CEP126: variants seen among roughly 807,000 people sequenced by gnomAD.
CEP126 encodes centrosomal protein of 126 kDa.
Under a neutral mutation model 107.8 loss-of-function variants are expected in CEP126, and 74 were observed. That is an observed-to-expected ratio of 0.69 (90% CI 0.57 to 0.83). The LOEUF is 0.83. Among genes scored for constraint, CEP126 ranks in the 40% least tolerant of loss-of-function variants. The pLI, the probability that CEP126 is intolerant of heterozygous loss-of-function variation, is 0.00. For synonymous variants in CEP126, 449 were observed against 446.0 expected, an observed-to-expected ratio of 1.01 and a Z score of -0.08; for missense variants, 1,237 against 1,281.9, an observed-to-expected ratio of 0.96 and a Z score of 0.53.
Position 101,997,589 on chromosome 11 carries a change from T to G in CEP126, c.3310-10T>G, listed in dbSNP as rs1238643158. On this transcript the variant is annotated splice_polypyrimidine_tract_variant and intron_variant, in intron 10 of 10. Coordinates refer to ENST00000263468, the MANE Select transcript of CEP126 (RefSeq NM_020802.4). ...TGTTTGCATGCTTGTTTCTTCTTTC[T>G]GATTTCCAGGAGAAGAGAGAAGATA... The G allele has an allele frequency of 6.2e-7, 1 of 1,614,032 alleles. No homozygotes were observed. Among genetic ancestry groups the G allele is most frequent in the East Asian group, 2.2e-5 (1 of 44,872 alleles).
chr11:101,979,133 A>G lies in CEP126; in HGVS notation c.2958+674A>G, dbSNP rs142392547. On this transcript the variant is annotated intron_variant, in intron 7 of 10. Coordinates refer to ENST00000263468, the MANE Select transcript of CEP126 (RefSeq NM_020802.4). ...GGCAACAAGAGCAAGACTCCATCTC[A>G]AAAAGAAAAAAAAAAGCATGCTAAT... Among the ~76,000 whole-genome samples, 405 of 152,158 alleles carry G rather than the reference A, an allele frequency of 2.7e-3. 2 individuals are homozygous for G. The highest frequency in any genetic ancestry group is 9.3e-3 in the African/African-American group (388 of 41,510).
intron 2 of CEP126, among the ~76,000 whole-genome samples, chr11:101,923,985 A>G (rs746862417): frequency 6.6e-6 from 1 of 152,142 alleles, no homozygotes; most frequent in Admixed American, 6.5e-5. Context: ...CTTATTTTTT[A>G]TTATTAATGT....
At chr11:101,938,169 A>AAAAAAAAAAAACAAAAAAAAAC (rs1565353082) in intron 2 of CEP126, among the ~76,000 whole-genome samples, 1 of 143,852 alleles carries the variant, frequency 7.0e-6, no homozygotes, top group African/African-American at 2.6e-5. Context: ...CAAAAAAAAA[A>AAAAAAAAAAAACAAAAAAAAAC]AAAAAAATAC....
chr11:101,923,556 A>C (rs908694563), intron 2 of CEP126, among the ~76,000 whole-genome samples: 1 of 152,160 alleles, frequency 6.6e-6, no homozygotes, highest in African/African-American at 2.4e-5. Context: ...GGGAATAAAA[A>C]ATTGTTTACC....
chr11:101,920,473 G>A (rs946833719), intron 1 of CEP126, among the ~76,000 whole-genome samples: 2 of 151,572 alleles, frequency 1.3e-5, no homozygotes, highest in Non-Finnish European at 2.9e-5. Context: ...AGCGTAAAAA[G>A]TTTTTAAACA....
Position 101,967,025 on chromosome 11 carries a change from C to CTTTTTTT in CEP126, c.2845+3160_2845+3166dup, listed in dbSNP as rs759877416. ...ATTCCAATTCATCATCTCTTTCTTTCTTTTTTTTTTTTTTTTTTTTTGAGA... is the reference window on the plus strand; with the variant it reads ...ATTCCAATTCATCATCTCTTTCTTTCTTTTTTTTTTTTTTTTTTTTTTTTTTTTGAGA... On this transcript the variant is annotated intron_variant, in intron 6 of 10. Transcript: ENST00000263468. Among the ~76,000 whole-genome samples the CTTTTTTT allele has an allele frequency of 3.6e-4, 39 of 107,054 alleles. 1 individual carries two copies. The highest frequency in any genetic ancestry group is 8.1e-4 in the African/African-American group (22 of 27,262). The allele number at this position is 107,054 out of a possible 152,430, so 70.2% of individuals were successfully genotyped here.
At chr11:101,992,027 C>T (rs1033576949) in intron 9 of CEP126, among the ~76,000 whole-genome samples, 1 of 151,988 alleles carries the variant, frequency 6.6e-6, no homozygotes, top group Non-Finnish European at 1.5e-5. Context: ...TGACAGGAAG[C>T]TTCCAAGGTA....
At chr11:101,985,339 A>G (rs976409895) in intron 8 of CEP126, among the ~76,000 whole-genome samples, 4 of 151,598 alleles carry the variant, frequency 2.6e-5, no homozygotes, top group Non-Finnish European at 4.4e-5. Context: ...CTGAAGTGCA[A>G]TGGTGCAATC....
intron 6 of CEP126, among the ~76,000 whole-genome samples, chr11:101,977,455 A>AC (rs1206030949): frequency 6.6e-6 from 1 of 151,608 alleles, no homozygotes; most frequent in African/African-American, 2.4e-5. Flanking sequence ...ACATGGTGAA[A>AC]CCCCGTCTCT....
At position 101,931,062 on chromosome 11, in the gene CEP126, C is replaced by G. The variant is rs550628899; in HGVS notation, c.248+8302C>G. On this transcript the variant is annotated intron_variant, in intron 2 of 10. Transcript: ENST00000263468. ...TTTAATATTTCTAATACATTTTAAC[C>G]TACTAAATTGAGGGATTTTGTTAGA... Among the ~76,000 whole-genome samples, 234 of 152,074 alleles carry G rather than the reference C, an allele frequency of 1.5e-3. 1 individual carries two copies. Among genetic ancestry groups the G allele is most frequent in the Middle Eastern group, 3.4e-3 (1 of 294 alleles).
intron 8 of CEP126, among the ~76,000 whole-genome samples, chr11:101,984,544 G>A (rs1329013185): frequency 6.6e-6 from 1 of 152,186 alleles, no homozygotes; most frequent in Non-Finnish European, 1.5e-5. Flanking sequence ...AGATGATTGT[G>A]ATAATAGTGA....
intron 1 of CEP126, among the ~76,000 whole-genome samples, chr11:101,921,608 G>A (rs1940327031): frequency 6.7e-6 from 1 of 149,460 alleles, no homozygotes; most frequent in Admixed American, 6.7e-5. Flanking sequence ...TTGGGAGGCT[G>A]AGGCAGAAGA....
At chr11:101,991,671 A>T (rs901240981) in intron 9 of CEP126, among the ~76,000 whole-genome samples, 1 of 152,218 alleles carries the variant, frequency 6.6e-6, no homozygotes, top group Non-Finnish European at 1.5e-5. Context: ...TAGACTCAAG[A>T]CACCACTGAG....
chr11:101,920,013 T>A (rs919415941), intron 1 of CEP126, among the ~76,000 whole-genome samples: 1 of 152,192 alleles, frequency 6.6e-6, no homozygotes, highest in Non-Finnish European at 1.5e-5. Context: ...AGAACCAAAT[T>A]TTCTTCCCTT....
At chr11:101,936,736 T>A (rs1458827062) in intron 2 of CEP126, among the ~76,000 whole-genome samples, 2 of 152,166 alleles carry the variant, frequency 1.3e-5, no homozygotes, top group African/African-American at 4.8e-5. Flanking sequence ...AAGTTTCCTC[T>A]CATTCCTAGT....
chr11:101,955,483 C>T (rs1257467699), intron 4 of CEP126, among the ~76,000 whole-genome samples: 1 of 152,118 alleles, frequency 6.6e-6, no homozygotes, highest in Non-Finnish European at 1.5e-5. Context: ...CCTCTATTTG[C>T]CCTTTGAACT....
chr11:101,997,817 G>A lies in CEP126; in HGVS notation c.*174G>A. The A allele has an allele frequency of 1.2e-6, 1 of 812,422 alleles. No individual in the cohort carries two copies. The highest frequency in any genetic ancestry group is 1.9e-6 in the Non-Finnish European group (1 of 522,428). The allele number at this position is 812,422 out of a possible 1,614,324, so 50.3% of individuals were successfully genotyped here. On this transcript the variant is annotated 3_prime_UTR_variant, in exon 11 of 11. Coordinates refer to ENST00000263468, the MANE Select transcript of CEP126 (RefSeq NM_020802.4). The stretch of plus-strand genomic sequence containing the variant: ...TAACAGAGCAGTGACATTTAACAAA[G>A]CAGTGAAGTTTAACAGAGTTCTGAG...
intron 4 of CEP126, among the ~76,000 whole-genome samples, chr11:101,955,188 T>C (rs1274114277): frequency 1.3e-5 from 2 of 151,366 alleles, no homozygotes; most frequent in Non-Finnish European, 2.9e-5. Context: ...CTTCAGCAAA[T>C]AGTGAGATAT....
chr11:101,993,153 C>T (rs376613391), intron 10 of CEP126, among the ~76,000 whole-genome samples: 22 of 152,168 alleles, frequency 1.4e-4, no homozygotes, highest in African/African-American at 5.3e-4. Flanking sequence ...TATTTCATTG[C>T]CCAGGTAATA....
Sources: gnomAD v4.1 joint callset for allele counts (sites outside exome capture counted in the v4.1 genomes callset) on GRCh38, gnomAD v4.1.1 for gene constraint, MANE v1.5 for transcripts, NCBI Gene and HGNC (gene_info 2026-07-23, HGNC 2026-07-21) for gene names.